KCNIP1: variants seen among roughly 807,000 people sequenced by gnomAD.
KCNIP1 encodes the protein potassium voltage-gated channel interacting protein 1, also known as A-type potassium channel modulatory protein KCNIP1.
KCNIP1 carries 18 observed loss-of-function variants against 33.0 expected under a neutral mutation model. That is an observed-to-expected ratio of 0.55 (90% confidence interval 0.38 to 0.81). The LOEUF (loss-of-function observed/expected upper bound fraction) is 0.81. KCNIP1 is among the 30% of genes least tolerant of loss of function. The pLI is 0.00. For synonymous variants in KCNIP1, 93 were observed against 98.3 expected (o/e 0.95, Z 0.32); for missense variants, 238 against 271.6 (o/e 0.88, Z 0.87).
In KCNIP1 at chr5:170,736,258, C is replaced by A. The variant is rs1261026719; in HGVS notation, c.*452C>A. On this transcript the variant is annotated 3_prime_UTR_variant, in exon 8 of 8. Coordinates refer to ENST00000328939, the MANE Select transcript of KCNIP1 (RefSeq NM_014592.4). ...CAAACCAATGTGCCTGTTTCTCTTC[C>A]TTTGGTGGGAAGAATGAGAGTTATC... The A allele has an allele frequency of 3.0e-5, 5 of 167,344 alleles. No homozygotes were observed. The highest frequency in any genetic ancestry group is 5.9e-5 in the Admixed American group (1 of 16,982). The allele number at this position is 167,344 out of a possible 1,614,324, so 10.4% of individuals were successfully genotyped here.
At chr5:170,558,472 C>G (rs1274870607) in intron 1 of KCNIP1, among the ~76,000 whole-genome samples, 2 of 152,230 alleles carry the variant, frequency 1.3e-5, no homozygotes, top group Non-Finnish European at 2.9e-5. Flanking sequence ...CATCATTGAA[C>G]AGGTGGGACA....
At chr5:170,597,896 CAA>C (rs1210907491) in intron 1 of KCNIP1, among the ~76,000 whole-genome samples, 1 of 147,618 alleles carries the variant, frequency 6.8e-6, no homozygotes, top group Non-Finnish European at 1.5e-5. Context: ...CAAGTGGAAA[CAA>C]GACAAAATAA....
chr5:170,547,903 G>A (rs1756476301), intron 1 of KCNIP1, among the ~76,000 whole-genome samples: 1 of 152,062 alleles, frequency 6.6e-6, no homozygotes, highest in Non-Finnish European at 1.5e-5. Context: ...GGGATTTCTG[G>A]GTCGAATAGT....
intron 5 of KCNIP1, among the ~76,000 whole-genome samples, chr5:170,731,064 G>T (rs1455024949): frequency 6.6e-6 from 1 of 152,018 alleles, no homozygotes; most frequent in African/African-American, 2.4e-5. Flanking sequence ...AGTATAGAAG[G>T]AATAAAGGAA....
chr5:170,721,370 G>A (rs1015555391), intron 3 of KCNIP1, among the ~76,000 whole-genome samples: 3 of 152,110 alleles, frequency 2.0e-5, no homozygotes, highest in African/African-American at 4.8e-5. Context: ...CAAGAGATAG[G>A]TCTTGCTACA....
At chr5:170,454,150 G>C (rs1476214197) in intron 1 of KCNIP1, among the ~76,000 whole-genome samples, 2 of 152,222 alleles carry the variant, frequency 1.3e-5, no homozygotes, top group African/African-American at 4.8e-5. Flanking sequence ...TTTATTCCTA[G>C]AAGAATAATT....
chr5:170,496,047 A>G (rs1757304521), intron 1 of KCNIP1, among the ~76,000 whole-genome samples: 1 of 152,192 alleles, frequency 6.6e-6, no homozygotes, highest in African/African-American at 2.4e-5. Context: ...CATCACTGGC[A>G]TGATTACTAA....
At chr5:170,606,274 G>A (rs1002912130) in intron 1 of KCNIP1, among the ~76,000 whole-genome samples, 1 of 152,116 alleles carries the variant, frequency 6.6e-6, no homozygotes, top group East Asian at 1.9e-4. Context: ...GAGTGGAATC[G>A]TTGGCTCATA....
intron 1 of KCNIP1, among the ~76,000 whole-genome samples, chr5:170,661,942 C>T (rs990357982): frequency 2.0e-5 from 3 of 152,118 alleles, no homozygotes; most frequent in African/African-American, 4.8e-5. Flanking sequence ...TTGCAAGGCT[C>T]GAGCACAACG....
chr5:170,547,353 T>C (rs1756451667), intron 1 of KCNIP1, among the ~76,000 whole-genome samples: 1 of 152,250 alleles, frequency 6.6e-6, no homozygotes, highest in Non-Finnish European at 1.5e-5. Context: ...CTGTCCATTG[T>C]GACTTAAAAT....
chr5:170,732,072 T>C (rs555914348), intron 5 of KCNIP1, among the ~76,000 whole-genome samples: 69 of 152,252 alleles, frequency 4.5e-4, no homozygotes, highest in African/African-American at 1.6e-3. Flanking sequence ...AAATTTTCTG[T>C]AAGTCTAAAA....
intron 1 of KCNIP1, chr5:170,383,631 C>A: frequency 1.9e-6 from 3 of 1,603,082 alleles, no homozygotes; most frequent in Non-Finnish European, 2.6e-6. Context: ...CAGGCTCACA[C>A]ACCTGACAGG....
Position 170,669,769 on chromosome 5 carries a change from T to C in KCNIP1, c.62-48989T>C, listed in dbSNP as rs968872229. On this transcript the variant is annotated intron_variant, in intron 1 of 7. Transcript: ENST00000328939. ...GAGTGGATTACAAAGAGCACACATT[T>C]TGAGAAAGTGAAAAACAACATCTGA... 3 of 513,210 alleles carry C rather than the reference T, an allele frequency of 5.8e-6. No homozygotes were observed. The East Asian group carries it at 4.5e-4, about 77-fold the overall frequency. 31.8% of individuals were successfully genotyped at this position (513,210 alleles called of 1,614,324 possible). A position where few individuals can be genotyped will look rare whatever the true frequency, so the allele number is the denominator to read the frequency against.
At chr5:170,601,720 T>C (rs191819121) in intron 1 of KCNIP1, among the ~76,000 whole-genome samples, 3 of 152,298 alleles carry the variant, frequency 2.0e-5, no homozygotes, top group African/African-American at 7.2e-5. Context: ...CAGATCCCAT[T>C]CCTGTGCTCA....
chr5:170,426,247 T>TCACACACACACACACACACACACA (rs143211356), intron 1 of KCNIP1, among the ~76,000 whole-genome samples: 13 of 149,268 alleles, frequency 8.7e-5, no homozygotes, highest in Admixed American at 6.0e-4. Context: ...TCAAAAGGAA[T>TCACACACACACACACACACACACA]CACACACACA....
chr5:170,533,249 C>A (rs1377925838), intron 1 of KCNIP1, among the ~76,000 whole-genome samples: 2 of 152,128 alleles, frequency 1.3e-5, no homozygotes, highest in Non-Finnish European at 2.9e-5. Flanking sequence ...ACAGAGAGCT[C>A]ACAGAGGGGC....
intron 1 of KCNIP1, among the ~76,000 whole-genome samples, chr5:170,707,158 C>CAA (rs34331045): frequency 8.4e-4 from 105 of 125,536 alleles, no homozygotes; most frequent in African/African-American, 1.3e-3. Context: ...AGTAAATCAT[C>CAA]AAAAAAAAAA....
rs150608205 is a variant in KCNIP1, at chr5:170,614,948, A to T, written c.62-103810A>T. Among the ~76,000 whole-genome samples, 16 of 152,104 alleles carry T rather than the reference A, an allele frequency of 1.1e-4. No individual in the cohort carries two copies. In the East Asian group the frequency reaches 2.9e-3, roughly 28 times the overall value. On this transcript the variant is annotated intron_variant, in intron 1 of 7. Transcript: ENST00000328939. ...AACAGAACATGGGCCGGGTGCAGTGACTCACTCCTGTTGTCTCAGCACTTT... is the reference window on the plus strand; with the variant it reads ...AACAGAACATGGGCCGGGTGCAGTGTCTCACTCCTGTTGTCTCAGCACTTT...
chr5:170,502,848 A>G (rs745689444), upstream of KCNIP1, among the ~76,000 whole-genome samples: 1 of 152,024 alleles, frequency 6.6e-6, no homozygotes, highest in African/African-American at 2.4e-5. Context: ...GACTTGGGGG[A>G]GGGGAAGCTC....
Sources: gnomAD v4.1 joint callset for allele counts (sites outside exome capture counted in the v4.1 genomes callset) on GRCh38, gnomAD v4.1.1 for gene constraint, MANE v1.5 for transcripts, NCBI Gene and HGNC (gene_info 2026-07-23, HGNC 2026-07-21) for gene names.